Variants in CDH11 observed in about 807,000 individuals in gnomAD.
CDH11 encodes cadherin 11.
Under a neutral mutation model 67.8 loss-of-function variants are expected in CDH11, and 11 were observed. That is an observed-to-expected ratio of 0.16 (90% confidence interval 0.10 to 0.27). The LOEUF (loss-of-function observed/expected upper bound fraction) is 0.27. Among genes scored for constraint, CDH11 ranks in the 10% least tolerant of loss-of-function variants. The pLI is 1.00. For synonymous variants in CDH11, 419 were observed against 400.0 expected, an observed-to-expected ratio of 1.05 and a Z score of -0.57; for missense variants, 847 against 1,031.2, an observed-to-expected ratio of 0.82 and a Z score of 2.45.
At chr16:64,979,694 A>G (rs144255368) in intron 8 of CDH11, among the ~76,000 whole-genome samples, 228 of 152,314 alleles carry the variant, frequency 1.5e-3, no homozygotes, top group South Asian at 6.2e-3. Flanking sequence ...TAGAGTTACC[A>G]TGTAATCCAG....
At chr16:64,998,411 G>A in intron 4 of CDH11, 151 bp downstream of exon 4, 1 of 728,248 alleles carries the variant, frequency 1.4e-6, no homozygotes, top group Admixed American at 2.4e-5. Context: ...CCATTTTACA[G>A]AGGAACAAAA....
At chr16:65,102,311 C>G in intron 1 of CDH11, among the ~76,000 whole-genome samples, 1 of 152,316 alleles carries the variant, frequency 6.6e-6, no homozygotes, top group African/African-American at 2.4e-5. Flanking sequence ...GCCAATTTGT[C>G]TCATTGAGTC....
intron 2 of CDH11, chr16:65,007,190 T>A (rs562703113): frequency 6.6e-6 from 1 of 152,232 alleles, no homozygotes; most frequent in Non-Finnish European, 1.5e-5. Context: ...GACTTTGCCA[T>A]CCCAAGTCTT....
At position 64,981,969 on chromosome 16, in the gene CDH11, G is replaced by C; in HGVS notation, c.1253+79C>G. 1.4e-5 allele frequency: 18 copies of C among 1,286,870 alleles called. 1 individual carries two copies. In the South Asian group the frequency reaches 2.6e-4, roughly 19 times the overall value. 79.7% of individuals were successfully genotyped at this position (1,286,870 alleles called of 1,614,324 possible). On this transcript the variant is annotated intron_variant, in intron 8 of 12. Coordinates refer to ENST00000268603, the MANE Select transcript of CDH11 (RefSeq NM_001797.4). ...TGAACCCTTTTTGAAATTGAAAAAC[G>C]TGGTTCCTACAGGGCTTTCCCAGAA...
chr16:65,056,135 T>G (rs1229934607), intron 1 of CDH11, among the ~76,000 whole-genome samples: 2 of 152,216 alleles, frequency 1.3e-5, no homozygotes, highest in Non-Finnish European at 2.9e-5. Context: ...ACAGAAACCC[T>G]GTAGCTTATC....
At chr16:65,060,779 A>G (rs779293978) in intron 1 of CDH11, among the ~76,000 whole-genome samples, 1 of 152,176 alleles carries the variant, frequency 6.6e-6, no homozygotes, top group Non-Finnish European at 1.5e-5. Flanking sequence ...CATCAACTAG[A>G]AGAATGGTGA....
chr16:64,982,083 A>G lies in CDH11; in HGVS notation c.1218T>C (p.His406=), dbSNP rs773274030. The part of the protein sequence containing the change: ...AAAGTVVGRV[H]AKDPDAANSP... ...TGTTGGCAGCATCAGGGTCTTTGGC[A>G]TGCACTCTCCCAACCACGGTGCCAG... The change falls in exon 8 of 13, where the codon CAT becomes CAC. Residue 406 remains histidine, a synonymous_variant. Coordinates refer to ENST00000268603, the MANE Select transcript of CDH11 (RefSeq NM_001797.4). The G allele has an allele frequency of 1.2e-6, 2 of 1,613,942 alleles. No individual in the cohort carries two copies. Among genetic ancestry groups the G allele is most frequent in the Admixed American group, 1.7e-5 (1 of 60,004 alleles).
At chr16:65,083,111 C>G (rs1555526728) in intron 1 of CDH11, among the ~76,000 whole-genome samples, 1 of 152,138 alleles carries the variant, frequency 6.6e-6, no homozygotes, top group Non-Finnish European at 1.5e-5. Context: ...AGAGAAATGA[C>G]TTTTTTTCTA....
chr16:65,099,616 A>C (rs562648240), intron 1 of CDH11, among the ~76,000 whole-genome samples: 113 of 152,326 alleles, frequency 7.4e-4, no homozygotes, highest in African/African-American at 2.7e-3. Flanking sequence ...TAGGAAAAAT[A>C]TCTCAGCATC....
At chr16:64,982,447 G>T (rs1308666032) in intron 7 of CDH11, 146 bp from the exon 8 acceptor site, 2 of 654,188 alleles carry the variant, frequency 3.1e-6, no homozygotes, top group Non-Finnish European at 5.2e-6. Context: ...TGAGCCATTT[G>T]GTCAGAAAAT....
intron 2 of CDH11, among the ~76,000 whole-genome samples, chr16:65,032,713 G>A (rs1207533096): frequency 6.6e-6 from 1 of 152,150 alleles, no homozygotes; most frequent in African/African-American, 2.4e-5. Flanking sequence ...GATTTCCCCT[G>A]ATTTGTACTG....
intron 1 of CDH11, among the ~76,000 whole-genome samples, chr16:65,099,629 T>C (rs1661407508): frequency 1.3e-5 from 2 of 152,104 alleles, no homozygotes; most frequent in African/African-American, 2.4e-5. Context: ...TCAGCATCAA[T>C]AAAATATGAG....
At chr16:65,041,561 A>G (rs1476750358) in intron 2 of CDH11, among the ~76,000 whole-genome samples, 1 of 152,192 alleles carries the variant, frequency 6.6e-6, no homozygotes, top group East Asian at 1.9e-4. Flanking sequence ...AAAATATCTC[A>G]ATGGCTACAA....
intron 1 of CDH11, among the ~76,000 whole-genome samples, chr16:65,092,868 T>C (rs564474298): frequency 8.6e-4 from 131 of 151,938 alleles, no homozygotes; most frequent in African/African-American, 3.1e-3. Context: ...AAGTCACTTA[T>C]GTAGTGATGT....
intron 12 of CDH11, 30 bp from the exon 13 acceptor site, chr16:64,948,129 T>C (rs776557823): frequency 6.3e-7 from 1 of 1,595,524 alleles, no homozygotes; most frequent in South Asian, 1.1e-5. Context: ...AGGTAAGCAT[T>C]CGTTAAGTCC....
intron 1 of CDH11, among the ~76,000 whole-genome samples, chr16:65,109,878 T>A (rs1043296059): frequency 9.4e-6 from 1 of 106,862 alleles, no homozygotes; most frequent in Admixed American, 1.1e-4. Flanking sequence ...ATTCAATGTT[T>A]GTTTGTTTGT....
chr16:64,965,298 C>A (rs2071786713), intron 11 of CDH11, among the ~76,000 whole-genome samples: 1 of 150,746 alleles, frequency 6.6e-6, no homozygotes, highest in Admixed American at 6.6e-5. Flanking sequence ...AGGAGAATTG[C>A]TAAAATACGC....
chr16:64,969,381 C>A (rs1472366703), intron 11 of CDH11, among the ~76,000 whole-genome samples: 2 of 151,998 alleles, frequency 1.3e-5, no homozygotes, highest in African/African-American at 4.8e-5. Flanking sequence ...GAATACAGCC[C>A]CAGGAGTTAG....
intron 11 of CDH11, among the ~76,000 whole-genome samples, chr16:64,959,720 T>A (rs574649406): frequency 6.6e-6 from 1 of 152,282 alleles, no homozygotes; most frequent in African/African-American, 2.4e-5. Flanking sequence ...ATCTTCCATA[T>A]TGGAGCAATT....
Sources: gnomAD v4.1 joint callset for allele counts (sites outside exome capture counted in the v4.1 genomes callset) on GRCh38, gnomAD v4.1.1 for gene constraint, MANE v1.5 for transcripts, NCBI Gene and HGNC (gene_info 2026-07-23, HGNC 2026-07-21) for gene names.